The following B3GAT2 variants were observed in gnomAD, a reference collection of about 807,000 sequenced individuals.
B3GAT2 encodes beta-1,3-glucuronyltransferase 2.
A neutral mutation model predicts 27.8 loss-of-function variants in B3GAT2; 26 were observed. That is an observed-to-expected ratio of 0.93 (90% CI 0.68 to 1.30). The LOEUF is 1.30. B3GAT2 is among the 50% of genes most tolerant of loss of function. The probability of loss-of-function intolerance (pLI) is 0.00; values close to 1 mark genes in which losing one functional copy is unlikely to be tolerated. For synonymous variants in B3GAT2, 218 were observed against 195.1 expected, an observed-to-expected ratio of 1.12 and a Z score of -0.98; for missense variants, 458 against 459.0, an observed-to-expected ratio of 1.00 and a Z score of 0.02.
chr6:70,916,467 G>T (rs1384907874), intron 1 of B3GAT2, among the ~76,000 whole-genome samples: 1 of 152,162 alleles, frequency 6.6e-6, no homozygotes, highest in African/African-American at 2.4e-5. Context: ...GAGCATCCTT[G>T]TCTTGTGCCA....
chr6:70,861,160 T>A lies in B3GAT2; in HGVS notation c.*503A>T, dbSNP rs1771707670. 1 of 163,522 alleles carries A rather than the reference T, an allele frequency of 6.1e-6. No individual in the cohort carries two copies. Among genetic ancestry groups the A allele is most frequent in the Non-Finnish European group, 1.3e-5 (1 of 75,412 alleles). 10.1% of individuals were successfully genotyped at this position (163,522 alleles called of 1,614,324 possible). ...GTTATTTCCCTACATTAAACATGAC[T>A]CCATAGACCTTTTCATTTGTGGGTT... On this transcript the variant is annotated 3_prime_UTR_variant, in exon 4 of 4. Transcript: ENST00000230053.
Position 70,858,867 on chromosome 6 carries a change from C to G in B3GAT2, c.*2796G>C, listed in dbSNP as rs528988650. ...AGATTCAATTCCCATAAGGTGTGAA[C>G]CAGACATCCCCTCATATTATAAAAT... On this transcript the variant is annotated 3_prime_UTR_variant, in exon 4 of 4. Coordinates refer to ENST00000230053, the MANE Select transcript of B3GAT2 (RefSeq NM_080742.3). 1 of 153,032 alleles carries G rather than the reference C, an allele frequency of 6.5e-6. No homozygotes were observed. The highest frequency in any genetic ancestry group is 2.4e-5 in the African/African-American group (1 of 41,452). The allele number at this position is 153,032 out of a possible 1,614,324, so 9.5% of individuals were successfully genotyped here.
chr6:70,857,042 T>G lies in B3GAT2; in HGVS notation c.*4621A>C. ...GCAAAGTACTCCTGGTAATGAATTT[T>G]GATATCTGCTTTCAGTGACATTACT... On this transcript the variant is annotated 3_prime_UTR_variant, in exon 4 of 4. Coordinates refer to ENST00000230053, the MANE Select transcript of B3GAT2 (RefSeq NM_080742.3). 6.3e-7 allele frequency: 1 copy of G among 1,590,486 alleles called. No individual in the cohort carries two copies. The highest frequency in any genetic ancestry group is 1.3e-5 in the African/African-American group (1 of 74,286).
At chr6:70,948,727 A>T (rs1241072194) in intron 1 of B3GAT2, among the ~76,000 whole-genome samples, 2 of 152,248 alleles carry the variant, frequency 1.3e-5, no homozygotes, top group East Asian at 1.9e-4. Flanking sequence ...ATTGGAAAAA[A>T]CTACTTTAAA....
intron 1 of B3GAT2, among the ~76,000 whole-genome samples, chr6:70,913,894 T>C (rs975893989): frequency 3.9e-5 from 6 of 152,246 alleles, no homozygotes; most frequent in African/African-American, 1.2e-4. Context: ...GTTGGGTACA[T>C]ATATTTAGGA....
intron 1 of B3GAT2, among the ~76,000 whole-genome samples, chr6:70,954,602 C>T (rs562869353): frequency 2.6e-5 from 4 of 152,206 alleles, no homozygotes; most frequent in African/African-American, 9.6e-5. Flanking sequence ...TGACCAGACA[C>T]ACAGATTATT....
chr6:70,863,549 A>C (rs1469626091), intron 2 of B3GAT2, among the ~76,000 whole-genome samples: 3 of 152,184 alleles, frequency 2.0e-5, no homozygotes, highest in African/African-American at 7.2e-5. Context: ...TGGAATTAGA[A>C]GCCTTTTGTT....
Position 70,910,762 on chromosome 6 carries a change from C to G in B3GAT2, c.592-16490G>C, listed in dbSNP as rs543060055. Among the ~76,000 whole-genome samples the G allele has an allele frequency of 2.6e-5, 4 of 152,300 alleles. No individual in the cohort carries two copies. The East Asian group carries it at 7.7e-4, about 29-fold the overall frequency. ...TGAGAAATTGCCACCCTGTTTTCCA[C>G]AATGGCTGAACTAATTTACATTTCC... On this transcript the variant is annotated intron_variant, in intron 1 of 3. Coordinates refer to ENST00000230053, the MANE Select transcript of B3GAT2 (RefSeq NM_080742.3).
intron 1 of B3GAT2, among the ~76,000 whole-genome samples, chr6:70,900,660 C>A (rs1183764052): frequency 6.6e-6 from 1 of 152,194 alleles, no homozygotes; most frequent in Non-Finnish European, 1.5e-5. Context: ...TTCTTTTCGA[C>A]CCTCCTTGGG....
chr6:70,901,419 A>G (rs1478792988), intron 1 of B3GAT2, among the ~76,000 whole-genome samples: 1 of 152,248 alleles, frequency 6.6e-6, no homozygotes, highest in Non-Finnish European at 1.5e-5. Flanking sequence ...TACACAAGAT[A>G]AGCCTGGAGG....
At chr6:70,869,444 C>T (rs767378923) in intron 2 of B3GAT2, among the ~76,000 whole-genome samples, 17 of 152,100 alleles carry the variant, frequency 1.1e-4, no homozygotes, top group Non-Finnish European at 1.0e-4. Flanking sequence ...AAAAGGGCAG[C>T]CAGAATTTTG....
chr6:70,889,009 C>T (rs1280604116), intron 2 of B3GAT2, among the ~76,000 whole-genome samples: 2 of 152,180 alleles, frequency 1.3e-5, no homozygotes, highest in African/African-American at 4.8e-5. Context: ...CTGCTAGATA[C>T]AAAACTCCTT....
At chr6:70,915,487 A>T (rs1772757335) in intron 1 of B3GAT2, among the ~76,000 whole-genome samples, 1 of 152,184 alleles carries the variant, frequency 6.6e-6, no homozygotes, top group African/African-American at 2.4e-5. Flanking sequence ...GCCCATGCCT[A>T]TGCACTGAAG....
chr6:70,955,798 C>A, intron 1 of B3GAT2, 41 bp downstream of exon 1: 1 of 1,519,572 alleles, frequency 6.6e-7, no homozygotes, highest in Admixed American at 2.1e-5. Flanking sequence ...CGGAGGCCCA[C>A]TCCCGCCCTC....
In B3GAT2 at chr6:70,893,711, CATT is replaced by C. The variant is rs372919088; in HGVS notation, c.736+414_736+416del. On this transcript the variant is annotated intron_variant, in intron 2 of 3. Transcript: ENST00000230053. ...TAAAATGACTTGTCAATTTTTATAT[CATT>C]GTTAAATTTATCAATAAACATGATA... Among the ~76,000 whole-genome samples, 289 of 152,106 alleles carry C rather than the reference CATT, an allele frequency of 1.9e-3. 1 individual carries two copies. Among genetic ancestry groups the C allele is most frequent in the Admixed American group, 3.0e-3 (46 of 15,280 alleles).
chr6:70,923,223 C>CA (rs1188610712), intron 1 of B3GAT2, among the ~76,000 whole-genome samples: 1 of 152,056 alleles, frequency 6.6e-6, no homozygotes, highest in African/African-American at 2.4e-5. Context: ...ATGTTTAAAA[C>CA]AAAAAGACAC....
At chr6:70,871,647 C>T (rs920070860) in intron 2 of B3GAT2, among the ~76,000 whole-genome samples, 1 of 151,742 alleles carries the variant, frequency 6.6e-6, no homozygotes, top group Non-Finnish European at 1.5e-5. Context: ...GTAAAGGTTT[C>T]CCAATTTGTT....
intron 1 of B3GAT2, among the ~76,000 whole-genome samples, chr6:70,944,941 C>G (rs1765454872): frequency 6.6e-6 from 1 of 152,218 alleles, no homozygotes. Flanking sequence ...GCAGCCACCG[C>G]TGCTGATAAC....
In B3GAT2 at chr6:70,914,366, A is replaced by T. The variant is rs368310827; in HGVS notation, c.592-20094T>A. Among the ~76,000 whole-genome samples the T allele has an allele frequency of 4.6e-3, 693 of 152,080 alleles. 5 individuals carry two copies. The highest frequency in any genetic ancestry group is 0.016 in the African/African-American group (654 of 41,474). On this transcript the variant is annotated intron_variant, in intron 1 of 3. Coordinates refer to ENST00000230053, the MANE Select transcript of B3GAT2 (RefSeq NM_080742.3). ...TCCCATAGTTCAGCTCCCACTTATGAGTGAGAACATGCGGTGTTTGGTTTT... is the reference window on the plus strand; with the variant it reads ...TCCCATAGTTCAGCTCCCACTTATGTGTGAGAACATGCGGTGTTTGGTTTT...
Sources: allele counts gnomAD v4.1 joint callset (sites outside exome capture counted in the v4.1 genomes callset), GRCh38; gene constraint gnomAD v4.1.1; transcripts MANE v1.5; gene names NCBI Gene and HGNC (gene_info 2026-07-23, HGNC 2026-07-21).